RXFP1: variants seen among roughly 807,000 people sequenced by gnomAD.
RXFP1 encodes the protein relaxin family peptide receptor 1.
Under a neutral mutation model 89.8 loss-of-function variants are expected in RXFP1, and 73 were observed. That is an observed-to-expected ratio of 0.81 (90% CI 0.67 to 0.99). The LOEUF (loss-of-function observed/expected upper bound fraction) is 0.99. RXFP1 is among the 50% of genes least tolerant of loss of function. RXFP1 has a pLI of 0.00. For synonymous variants in RXFP1, 277 were observed against 305.5 expected (o/e 0.91, Z 0.97); for missense variants, 793 against 895.5 (o/e 0.89, Z 1.46).
intron 1 of RXFP1, among the ~76,000 whole-genome samples, chr4:158,561,094 A>T (rs1017251822): frequency 1.3e-5 from 2 of 152,230 alleles, no homozygotes; most frequent in Admixed American, 1.3e-4. Context: ...TTTTCTACTT[A>T]TAAATCTTGT....
chr4:158,576,480 C>A (rs1287994739), intron 2 of RXFP1, among the ~76,000 whole-genome samples: 1 of 152,010 alleles, frequency 6.6e-6, no homozygotes, highest in Non-Finnish European at 1.5e-5. Flanking sequence ...CAGGCTCCAT[C>A]CCAGACCTAT....
intron 4 of RXFP1, among the ~76,000 whole-genome samples, chr4:158,600,209 C>A (rs1053536788): frequency 6.6e-6 from 1 of 152,068 alleles, no homozygotes; most frequent in African/African-American, 2.4e-5. Flanking sequence ...TATATGAGGA[C>A]AAAATAAGAG....
intron 1 of RXFP1, among the ~76,000 whole-genome samples, chr4:158,534,869 T>G (rs1744914235): frequency 6.8e-6 from 1 of 147,062 alleles, no homozygotes; most frequent in African/African-American, 2.5e-5. Flanking sequence ...TATATATTAT[T>G]ACCTATATTA....
At position 158,646,871 on chromosome 4, in the gene RXFP1, G is replaced by T. The variant is rs1317884866; in HGVS notation, c.1426G>T (p.Ala476Ser). The change falls in exon 16 of 18, where the codon GCG becomes TCG. Residue 476 changes from alanine to serine, a missense_variant. Transcript: ENST00000307765. ...LKFRGEYNKH[A>S]QLWMESTHCQ... ...GTTTCGTGGAGAATACAATAAGCAT[G>T]CGCAGCTGTGGATGGAGAGTACTCA... 6.2e-7 allele frequency: 1 copy of T among 1,613,980 alleles called. No homozygotes were observed. The highest frequency in any genetic ancestry group is 8.5e-7 in the Non-Finnish European group (1 of 1,179,974).
intron 15 of RXFP1, among the ~76,000 whole-genome samples, 177 bp downstream of exon 15, chr4:158,645,315 AT>A (rs1225306527): frequency 6.6e-6 from 1 of 152,248 alleles, no homozygotes; most frequent in Admixed American, 6.5e-5. Flanking sequence ...CAATAAAAAA[AT>A]ATGTTTTTTA....
rs1016718743 is a variant in RXFP1 at position 158,608,754 on chromosome 4, A to G, written c.536+711A>G. On this transcript the variant is annotated intron_variant, in intron 6 of 17. Coordinates refer to ENST00000307765, the MANE Select transcript of RXFP1 (RefSeq NM_021634.4). ...TTTCATCTTCCCCAACTGAAACTCCATATTTGTTGAATAATAATTCCTCAT... is the reference window on the plus strand; with the variant it reads ...TTTCATCTTCCCCAACTGAAACTCCGTATTTGTTGAATAATAATTCCTCAT... Among the ~76,000 whole-genome samples, 10 of 152,222 alleles carry G rather than the reference A, an allele frequency of 6.6e-5. No individual in the cohort carries two copies. In the East Asian group the frequency reaches 1.3e-3, roughly 21 times the overall value.
At chr4:158,577,498 A>C (rs571419300) in intron 2 of RXFP1, among the ~76,000 whole-genome samples, 1 of 152,322 alleles carries the variant, frequency 6.6e-6, no homozygotes, top group South Asian at 2.1e-4. Flanking sequence ...CCCATAATTA[A>C]AAATCATTTT....
At chr4:158,591,618 G>A (rs1421176361) in intron 2 of RXFP1, among the ~76,000 whole-genome samples, 1 of 151,498 alleles carries the variant, frequency 6.6e-6, no homozygotes, top group East Asian at 1.9e-4. Flanking sequence ...TCGTGGTGGT[G>A]CACCCCTATA....
chr4:158,605,001 C>A, intron 4 of RXFP1, 67 bp from the exon 5 acceptor site: 1 of 822,740 alleles, frequency 1.2e-6, no homozygotes, highest in Non-Finnish European at 2.0e-6. Context: ...TTGTAATTAT[C>A]CCTATTGTTG....
chr4:158,562,318 A>G (rs1752620424), intron 1 of RXFP1, among the ~76,000 whole-genome samples: 1 of 151,638 alleles, frequency 6.6e-6, no homozygotes, highest in Non-Finnish European at 1.5e-5. Flanking sequence ...AGGTCAGGAG[A>G]TCGAGACCAT....
intron 2 of RXFP1, among the ~76,000 whole-genome samples, chr4:158,589,168 C>G (rs1758883610): frequency 6.6e-6 from 1 of 152,220 alleles, no homozygotes. Flanking sequence ...CATGAAAACT[C>G]ACTCACTAGC....
intron 8 of RXFP1, among the ~76,000 whole-genome samples, chr4:158,615,732 C>A (rs1394564994): frequency 6.6e-6 from 1 of 151,656 alleles, no homozygotes; most frequent in Non-Finnish European, 1.5e-5. Context: ...TAGCTTGCAG[C>A]CAGGAGTTTG....
intron 9 of RXFP1, 28 bp from the exon 10 acceptor site, chr4:158,626,792 G>T: frequency 7.6e-7 from 1 of 1,322,266 alleles, no homozygotes. Context: ...TTAAGATTTA[G>T]CTGTATCGTT....
At chr4:158,624,582 T>C (rs1444479145) in intron 9 of RXFP1, among the ~76,000 whole-genome samples, 2 of 152,064 alleles carry the variant, frequency 1.3e-5, no homozygotes, top group African/African-American at 4.8e-5. Context: ...CAGTAAAAAA[T>C]AGAAATAAAA....
intron 14 of RXFP1, among the ~76,000 whole-genome samples, chr4:158,643,467 A>AG (rs1561195667): frequency 1.8e-5 from 1 of 55,956 alleles, no homozygotes; most frequent in African/African-American, 4.2e-5. Flanking sequence ...ATCATATGCT[A>AG]GTTTTTTTTT....
rs540628371 is a variant in RXFP1, at chr4:158,553,987, A to T, written c.50-18711A>T. ...GCACCGCTGACATTTTTGGACAGAT[A>T]AATCTTTGTTTGGGGGAACTGCCCT... On this transcript the variant is annotated intron_variant, in intron 1 of 17. Transcript: ENST00000307765. Among the ~76,000 whole-genome samples the T allele has an allele frequency of 5.3e-5, 8 of 152,232 alleles. No individual in the cohort carries two copies. The South Asian group carries it at 1.7e-3, about 32-fold the overall frequency.
chr4:158,564,580 A>C (rs1753159703), intron 1 of RXFP1, among the ~76,000 whole-genome samples: 1 of 152,062 alleles, frequency 6.6e-6, no homozygotes, highest in African/African-American at 2.4e-5. Context: ...TGAAATATAA[A>C]CTCTGTTGTC....
chr4:158,590,246 C>A (rs192273465), intron 2 of RXFP1, among the ~76,000 whole-genome samples: 2 of 152,196 alleles, frequency 1.3e-5, no homozygotes, highest in East Asian at 3.9e-4. Context: ...CTCACTGCAA[C>A]CTCTGCCCCA....
chr4:158,550,461 G>A (rs933408168), intron 1 of RXFP1, among the ~76,000 whole-genome samples: 1 of 152,208 alleles, frequency 6.6e-6, no homozygotes, highest in African/African-American at 2.4e-5. Context: ...CCAGTGACCT[G>A]CACCCACTGT....
Sources: allele counts gnomAD v4.1 joint callset (sites outside exome capture counted in the v4.1 genomes callset), GRCh38; gene constraint gnomAD v4.1.1; transcripts MANE v1.5; gene names NCBI Gene and HGNC (gene_info 2026-07-23, HGNC 2026-07-21).